Variants in PAQR3 observed in about 807,000 individuals in gnomAD.
The protein encoded by PAQR3 is Raf kinase trapping to Golgi.
Under a neutral mutation model 41.7 loss-of-function variants are expected in PAQR3, and 39 were observed. The observed-to-expected ratio is 0.93, with a 90% CI of 0.72 to 1.22. The LOEUF (loss-of-function observed/expected upper bound fraction) is 1.22. Ranked by LOEUF, PAQR3 falls within the 50% of genes most tolerant of loss-of-function variation. The pLI, the probability that PAQR3 is intolerant of heterozygous loss-of-function variation, is 0.00. For synonymous variants in PAQR3, 140 were observed against 140.6 expected, an observed-to-expected ratio of 1.00 and a Z score of 0.03; for missense variants, 366 against 385.6, an observed-to-expected ratio of 0.95 and a Z score of 0.42.
In PAQR3 at chr4:78,939,036, G is replaced by A. The variant is rs753212607; in HGVS notation, c.185+4C>T. On this transcript the variant is annotated splice_donor_region_variant and intron_variant, in intron 1 of 5. Transcript: ENST00000512733. Reference sequence around the variant, plus strand: ...CACTCCAGGCGGAGGCAGCCAGACCGTACCTTTTGATACACAGCCTGGACG... The same window carrying A: ...CACTCCAGGCGGAGGCAGCCAGACCATACCTTTTGATACACAGCCTGGACG... 5 of 1,594,060 alleles carry A rather than the reference G, an allele frequency of 3.1e-6. No individual in the cohort carries two copies. The highest frequency in any genetic ancestry group is 1.7e-5 in the Admixed American group (1 of 59,042).
chr4:78,905,379 A>G (rs967250919), intron 11 of PAQR3, among the ~76,000 whole-genome samples: 1 of 151,926 alleles, frequency 6.6e-6, no homozygotes, highest in South Asian at 2.1e-4. Flanking sequence ...ATATCATTCT[A>G]CCATATTTAG....
intron 11 of PAQR3, among the ~76,000 whole-genome samples, chr4:78,903,117 A>G (rs78220155): frequency 0.013 from 1,984 of 152,056 alleles, 25 homozygotes; most frequent in Non-Finnish European, 0.015. Flanking sequence ...ATTGTATGCC[A>G]TACAATACCT....
At chr4:78,931,924 C>G (rs1393015905) in intron 2 of PAQR3, among the ~76,000 whole-genome samples, 1 of 152,070 alleles carries the variant, frequency 6.6e-6, no homozygotes, top group Non-Finnish European at 1.5e-5. Flanking sequence ...ATTTTAAGTG[C>G]CCCCCAACAG....
At chr4:78,921,696 C>T in intron 5 of PAQR3, 2 of 985,080 alleles carry the variant, frequency 2.0e-6, no homozygotes, top group Non-Finnish European at 2.4e-6. Flanking sequence ...AACATTCAAC[C>T]TGAGCTGAAT....
In PAQR3 at chr4:78,918,391, T is replaced by A; in HGVS notation, c.*2148A>T. 2.0e-6 allele frequency: 2 copies of A among 978,486 alleles called. No homozygotes were observed. Among genetic ancestry groups the A allele is most frequent in the Non-Finnish European group, 2.4e-6 (2 of 823,288 alleles). The allele number at this position is 978,486 out of a possible 1,614,324, so 60.6% of individuals were successfully genotyped here. On this transcript the variant is annotated 3_prime_UTR_variant, in exon 6 of 6. Transcript: ENST00000512733. ...CACACAGTAGGTGGTCATTAAATGC[T>A]GACTGACATACAGAAGTGTTTCTAG...
At chr4:78,895,534 A>G (rs1733656547) in intron 11 of PAQR3, among the ~76,000 whole-genome samples, 1 of 152,114 alleles carries the variant, frequency 6.6e-6, no homozygotes, top group Non-Finnish European at 1.5e-5. Flanking sequence ...ATACTAGAAG[A>G]AATAAAAGAA....
Position 78,919,075 on chromosome 4 carries a change from C to T in PAQR3, c.*1464G>A. 1.0e-6 allele frequency: 1 copy of T among 984,892 alleles called. No homozygotes were observed. The highest frequency in any genetic ancestry group is 1.2e-6 in the Non-Finnish European group (1 of 829,670). 61.0% of individuals were successfully genotyped at this position (984,892 alleles called of 1,614,324 possible). On this transcript the variant is annotated 3_prime_UTR_variant, in exon 6 of 6. Transcript: ENST00000512733. ...ATACTAGCATGGGGAATTTATATTCCAAAAACACTACACTGGAAAAGAAAC... is the reference window on the plus strand; with the variant it reads ...ATACTAGCATGGGGAATTTATATTCTAAAAACACTACACTGGAAAAGAAAC...
chr4:78,890,372 A>C lies in PAQR3; in HGVS notation c.*837-2224T>G, dbSNP rs112528966. ...TTTTTTTTTGATTTAGATATTTTAC[A>C]GTTTGTCCGCCTCACACATACACAA... On this transcript the variant is annotated intron_variant and NMD_transcript_variant, in intron 11 of 12. Transcript: ENST00000342820. Among the ~76,000 whole-genome samples the C allele has an allele frequency of 1.7e-4, 26 of 150,758 alleles. 1 individual carries two copies. The highest frequency in any genetic ancestry group is 6.2e-4 in the African/African-American group (25 of 40,288).
chr4:78,929,173 C>T (rs2110154775), intron 3 of PAQR3, among the ~76,000 whole-genome samples: 1 of 152,340 alleles, frequency 6.6e-6, no homozygotes, highest in African/African-American at 2.4e-5. Flanking sequence ...CCTTAGAGCA[C>T]CTGTTACATG....
In PAQR3 at chr4:78,920,141, C is replaced by A. The variant is rs935281878; in HGVS notation, c.*398G>T. ...TGAAACAACACTTGCCTTGATTAGG[C>A]ACTTAAACTTGACAATTAACTGAAA... On this transcript the variant is annotated 3_prime_UTR_variant, in exon 6 of 6. Transcript: ENST00000512733. 1.0e-6 allele frequency: 1 copy of A among 987,780 alleles called. No individual in the cohort carries two copies. The highest frequency in any genetic ancestry group is 1.7e-5 in the African/African-American group (1 of 57,394). The allele number at this position is 987,780 out of a possible 1,614,324, so 61.2% of individuals were successfully genotyped here. A position where few individuals can be genotyped will look rare whatever the true frequency, so the allele number is the denominator to read the frequency against.
rs7671578 is a variant in PAQR3 at position 78,918,829 on chromosome 4, A to C, written c.*1710T>G. 1 of 984,296 alleles carries C rather than the reference A, an allele frequency of 1.0e-6. No homozygotes were observed. The highest frequency in any genetic ancestry group is 1.7e-5 in the African/African-American group (1 of 57,150). 61.0% of individuals were successfully genotyped at this position (984,296 alleles called of 1,614,324 possible). The stretch of plus-strand genomic sequence containing the variant: ...TGGCCAAAATGACAAAATATCTATT[A>C]AAAGGCAATAAAATCATGTAAGCCA... On this transcript the variant is annotated 3_prime_UTR_variant, in exon 6 of 6. Coordinates refer to ENST00000512733, the MANE Select transcript of PAQR3 (RefSeq NM_001040202.2).
chr4:78,916,821 T>C lies in PAQR3; in HGVS notation c.*3718A>G, dbSNP rs1735122023. On this transcript the variant is annotated 3_prime_UTR_variant, in exon 6 of 6. Transcript: ENST00000512733. ...ATATCAGAAAAGAGGCTATGACACA[T>C]TAAAGAGAAAACCTATTTATTGGAT... is the stretch of plus-strand genomic sequence containing the variant. The C allele has an allele frequency of 6.6e-6, 1 of 151,872 alleles. No homozygotes were observed. The highest frequency in any genetic ancestry group is 2.1e-4 in the South Asian group (1 of 4,832). The allele number at this position is 151,872 out of a possible 1,614,324, so 9.4% of individuals were successfully genotyped here.
At position 78,916,684 on chromosome 4, in the gene PAQR3, AACTT is replaced by A. The variant is rs1185014462; in HGVS notation, c.*3851_*3854del. 6.6e-6 allele frequency: 1 copy of A among 151,944 alleles called. No homozygotes were observed. The highest frequency in any genetic ancestry group is 2.4e-5 in the African/African-American group (1 of 41,430). The allele number at this position is 151,944 out of a possible 1,614,324, so 9.4% of individuals were successfully genotyped here. ...CAATATTGTGTAGTGCCTTCTGAAT[AACTT>A]ATTTTACAGCTTCCACATTATAAAT... On this transcript the variant is annotated 3_prime_UTR_variant, in exon 6 of 6. Transcript: ENST00000512733.
Position 78,930,206 on chromosome 4 carries a change from A to G in PAQR3, c.468T>C (p.Tyr156=), listed in dbSNP as rs1275020931. 8.7e-6 allele frequency: 14 copies of G among 1,613,066 alleles called. No individual in the cohort carries two copies. Among genetic ancestry groups the G allele is most frequent in the African/African-American group, 4.0e-5 (3 of 74,878 alleles). ...AAAATGCGTAAAATACTCCTGAGAC[A>G]TAGCAGCCCAGTATTCCAATAGAAA... ...AGISIGILGC[Y]VSGVFYAFYC... is the part of the protein sequence containing the mutation. Residue 156 remains tyrosine, a synonymous_variant, in exon 3 of 6, where the codon TAT becomes TAC. Coordinates refer to ENST00000512733, the MANE Select transcript of PAQR3 (RefSeq NM_001040202.2).
chr4:78,932,234 T>C (rs558898388), intron 2 of PAQR3, among the ~76,000 whole-genome samples: 3 of 152,322 alleles, frequency 2.0e-5, no homozygotes, highest in African/African-American at 7.2e-5. Flanking sequence ...TAATAGTCTA[T>C]AGCTTTTTGG....
Position 78,918,390 on chromosome 4 carries a change from C to T in PAQR3, c.*2149G>A. ...GCACACAGTAGGTGGTCATTAAATGCTGACTGACATACAGAAGTGTTTCTA... is the reference window on the plus strand; with the variant it reads ...GCACACAGTAGGTGGTCATTAAATGTTGACTGACATACAGAAGTGTTTCTA... On this transcript the variant is annotated 3_prime_UTR_variant, in exon 6 of 6. Coordinates refer to ENST00000512733, the MANE Select transcript of PAQR3 (RefSeq NM_001040202.2). The T allele has an allele frequency of 2.4e-5, 23 of 978,256 alleles. No individual in the cohort carries two copies. The highest frequency in any genetic ancestry group is 2.8e-5 in the Non-Finnish European group (23 of 823,098). The allele number at this position is 978,256 out of a possible 1,614,324, so 60.6% of individuals were successfully genotyped here.
downstream of PAQR3, chr4:78,910,738 G>A: frequency 6.2e-7 from 1 of 1,613,820 alleles, no homozygotes; most frequent in Non-Finnish European, 8.5e-7. Context: ...CTCAGTACAG[G>A]GTCAAGTGCA....
rs753522731 is a variant in PAQR3 at position 78,926,524 on chromosome 4, T to C, written c.699A>G (p.Val233=). 14 of 1,609,352 alleles carry C rather than the reference T, an allele frequency of 8.7e-6. No individual in the cohort carries two copies. In the African/African-American group the frequency reaches 1.1e-4, roughly 12 times the overall value. ...WLNGGIGAPI[V]QDFAPRVIVM... ...ATATTAACTACACTCAACCTACCTGTACAATAGGAGCACCAATTCCTCCAT... is the reference window on the plus strand; with the variant it reads ...ATATTAACTACACTCAACCTACCTGCACAATAGGAGCACCAATTCCTCCAT... The change falls in exon 4 of 6, where the codon GTA becomes GTG. Residue 233 remains valine (V), a synonymous_variant. Coordinates refer to ENST00000512733, the MANE Select transcript of PAQR3 (RefSeq NM_001040202.2).
intron 2 of PAQR3, among the ~76,000 whole-genome samples, chr4:78,932,291 C>T (rs921346342): frequency 2.6e-5 from 4 of 152,042 alleles, no homozygotes; most frequent in Non-Finnish European, 4.4e-5. Flanking sequence ...GTTATTTAAA[C>T]GTAACTCAAA....
Sources: allele counts gnomAD v4.1 joint callset (sites outside exome capture counted in the v4.1 genomes callset), GRCh38; gene constraint gnomAD v4.1.1; transcripts MANE v1.5; gene names NCBI Gene and HGNC (gene_info 2026-07-23, HGNC 2026-07-21).